Variants in WDTC1 observed in about 807,000 individuals in gnomAD.
WDTC1 encodes WD and tetratricopeptide repeats 1, also known as WD and tetratricopeptide repeats protein 1.
Under a neutral mutation model 76.0 loss-of-function variants are expected in WDTC1, and 12 were observed. That is an observed-to-expected ratio of 0.16 (90% CI 0.10 to 0.26). The LOEUF is 0.26. WDTC1 is among the 10% of genes least tolerant of loss of function. The pLI is 1.00. For synonymous variants in WDTC1, 326 were observed against 350.8 expected, an observed-to-expected ratio of 0.93 and a Z score of 0.79; for missense variants, 511 against 908.8, an observed-to-expected ratio of 0.56 and a Z score of 5.63.
At chr1:27,285,563 A>G (rs2013307217) in intron 5 of WDTC1, among the ~76,000 whole-genome samples, 1 of 151,844 alleles carries the variant, frequency 6.6e-6, no homozygotes, top group Non-Finnish European at 1.5e-5. Context: ...CCACTCCCAA[A>G]TATTTTTTAT....
chr1:27,298,452 C>T (rs534355268), intron 12 of WDTC1, among the ~76,000 whole-genome samples: 1 of 152,292 alleles, frequency 6.6e-6, no homozygotes, highest in South Asian at 2.1e-4. Flanking sequence ...GAGAATTGGA[C>T]TTTGAAGAGC....
chr1:27,271,919 A>G (rs966447516), intron 3 of WDTC1, among the ~76,000 whole-genome samples: 1 of 147,868 alleles, frequency 6.8e-6, no homozygotes, highest in African/African-American at 2.5e-5. Flanking sequence ...TTATAGGCGT[A>G]AGCCACTGCG....
chr1:27,253,483 C>CTCTTTCT (rs1188641240), intron 1 of WDTC1, among the ~76,000 whole-genome samples: 2 of 130,972 alleles, frequency 1.5e-5, no homozygotes, highest in South Asian at 5.1e-4. Flanking sequence ...CTCTTCTTCT[C>CTCTTTCT]TCTTTCTTCT....
intron 2 of WDTC1, among the ~76,000 whole-genome samples, chr1:27,261,835 C>T (rs1245702771): frequency 6.6e-6 from 1 of 152,078 alleles, no homozygotes; most frequent in Non-Finnish European, 1.5e-5. Flanking sequence ...TGATAATGGC[C>T]ATCTGCCTGT....
chr1:27,307,628 G>A lies in WDTC1; in HGVS notation c.*1245G>A, dbSNP rs1301754641. 2.0e-5 allele frequency: 3 copies of A among 152,706 alleles called. No individual in the cohort carries two copies. Among genetic ancestry groups the A allele is most frequent in the Non-Finnish European group, 2.9e-5 (2 of 68,222 alleles). The allele number at this position is 152,706 out of a possible 1,614,324, so 9.5% of individuals were successfully genotyped here. ...CTCCACTCCCTCGCTCCCTCCCTCA[G>A]CCCCTGTCTCTGCCAGGTGCCTCCT... On this transcript the variant is annotated 3_prime_UTR_variant, in exon 16 of 16. Coordinates refer to ENST00000319394, the MANE Select transcript of WDTC1 (RefSeq NM_001276252.2). This position sits in a 1 kb window ranked among gnomAD's most constrained non-coding sequence, Gnocchi z 4.1.
intron 12 of WDTC1, among the ~76,000 whole-genome samples, chr1:27,298,993 C>A (rs745904052): frequency 2.0e-5 from 3 of 152,180 alleles, no homozygotes; most frequent in Non-Finnish European, 4.4e-5. Context: ...TTAGCTAAGG[C>A]ATCAGGAGTT....
chr1:27,270,163 G>A (rs1035280882), intron 3 of WDTC1, among the ~76,000 whole-genome samples: 5 of 151,984 alleles, frequency 3.3e-5, no homozygotes, highest in African/African-American at 1.2e-4. Flanking sequence ...GGCTCATGTA[G>A]TCCACCCACC....
chr1:27,289,977 AAG>A (rs1199406415), intron 6 of WDTC1, among the ~76,000 whole-genome samples: 1 of 151,106 alleles, frequency 6.6e-6, no homozygotes, highest in Admixed American at 6.6e-5. Flanking sequence ...AGACCGTGGA[AAG>A]AGAGGGAGAG....
In WDTC1 at chr1:27,306,556, C is replaced by T. The variant is rs1381493094; in HGVS notation, c.*173C>T. ...GAGGTTGCTACAACTTGCTGGCTTT[C>T]GGACTCTGGGCTGATTGTCCCCTGA... On this transcript the variant is annotated 3_prime_UTR_variant, in exon 16 of 16. Transcript: ENST00000319394. This position sits in a 1 kb window ranked among gnomAD's most constrained non-coding sequence, Gnocchi z 5.0. The T allele has an allele frequency of 1.8e-5, 15 of 812,374 alleles. No individual in the cohort carries two copies. The highest frequency in any genetic ancestry group is 3.5e-5 in the African/African-American group (2 of 57,788). 50.3% of individuals were successfully genotyped at this position (812,374 alleles called of 1,614,324 possible).
At chr1:27,267,904 A>T (rs1355587738) in intron 3 of WDTC1, among the ~76,000 whole-genome samples, 1 of 152,216 alleles carries the variant, frequency 6.6e-6, no homozygotes, top group Non-Finnish European at 1.5e-5. Flanking sequence ...TTTTGCATGT[A>T]CAAGGTCATT....
In WDTC1 at chr1:27,307,611, C is replaced by CCTCG. The variant is rs2013988295; in HGVS notation, c.*1232_*1235dup. On this transcript the variant is annotated 3_prime_UTR_variant, in exon 16 of 16. Transcript: ENST00000319394. This position sits in a 1 kb window ranked among gnomAD's most constrained non-coding sequence, Gnocchi z 4.1. ...CCTCCCTTCTCCTCTCCCTCCACTC[C>CCTCG]CTCGCTCCCTCCCTCAGCCCCTGTC... is the stretch of plus-strand genomic sequence containing the variant. The CCTCG allele has an allele frequency of 6.5e-6, 1 of 153,028 alleles. No homozygotes were observed. Among genetic ancestry groups the CCTCG allele is most frequent in the African/African-American group, 2.4e-5 (1 of 41,440 alleles). 9.5% of individuals were successfully genotyped at this position (153,028 alleles called of 1,614,324 possible).
intron 1 of WDTC1, among the ~76,000 whole-genome samples, chr1:27,240,629 T>C (rs1473382684): frequency 6.6e-6 from 1 of 152,144 alleles, no homozygotes; most frequent in Non-Finnish European, 1.5e-5. Context: ...TATTAAGTAA[T>C]AGCTGCTGAC....
At chr1:27,255,400 G>C (rs1270871946) in intron 1 of WDTC1, 1 of 152,086 alleles carries the variant, frequency 6.6e-6, no homozygotes, top group Non-Finnish European at 1.5e-5. Flanking sequence ...GCATGTCTAT[G>C]AATATGTTTC....
At chr1:27,286,440 G>C (rs985393667) in intron 5 of WDTC1, among the ~76,000 whole-genome samples, 1 of 149,124 alleles carries the variant, frequency 6.7e-6, no homozygotes. Context: ...TTCTGACCAG[G>C]TCCCTTTTTT....
In WDTC1 at chr1:27,283,356, C is replaced by G; in HGVS notation, c.198C>G (p.Ser66=). Residue 66 remains serine, a synonymous_variant, in exon 5 of 16, where the codon TCC becomes TCG. Transcript: ENST00000319394. ...CTTTCAGCTTGCTGGCCTCTGGTTC[C>G]GATGACCAGCACACGATTGTGTGGG... ...NEKGDLLASG[S]DDQHTIVWDP... is the part of the protein sequence containing the mutation. 1 of 1,613,750 alleles carries G rather than the reference C, an allele frequency of 6.2e-7. No homozygotes were observed. Among genetic ancestry groups the G allele is most frequent in the Non-Finnish European group, 8.5e-7 (1 of 1,180,006 alleles).
intron 1 of WDTC1, among the ~76,000 whole-genome samples, chr1:27,260,436 T>A (rs925456558): frequency 6.6e-6 from 1 of 152,208 alleles, no homozygotes; most frequent in African/African-American, 2.4e-5. Flanking sequence ...ATTTCTTTAT[T>A]AGGTTGGGTC....
chr1:27,237,919 G>A (rs185588441), intron 1 of WDTC1, among the ~76,000 whole-genome samples: 29 of 151,980 alleles, frequency 1.9e-4, no homozygotes, highest in Admixed American at 1.8e-3. Context: ...CCTTGGTGTA[G>A]TTAATTTACT....
Position 27,296,393 on chromosome 1 carries a change from C to T in WDTC1, c.941C>T (p.Ser314Phe). The change falls in exon 10 of 16, where the codon TCC becomes TTC. Residue 314 changes from serine to phenylalanine, a missense_variant. Physicochemically the swap from Ser to Phe is radical, Grantham distance 155 (BLOSUM62 -2). Transcript: ENST00000319394. ...YTFLLPRKCH[S>F]SGEVQNGKMS... is the part of the protein sequence containing the mutation. ...TTCCTCTTGCCTAGAAAATGCCACTCCTCGGGGGGTAAGTTCTCCCTTAGG... is the reference window on the plus strand; with the variant it reads ...TTCCTCTTGCCTAGAAAATGCCACTTCTCGGGGGGTAAGTTCTCCCTTAGG... 1 of 1,614,078 alleles carries T rather than the reference C, an allele frequency of 6.2e-7. No homozygotes were observed. Among genetic ancestry groups the T allele is most frequent in the Non-Finnish European group, 8.5e-7 (1 of 1,180,018 alleles).
chr1:27,278,839 C>T (rs2013108838), intron 3 of WDTC1, among the ~76,000 whole-genome samples: 1 of 152,210 alleles, frequency 6.6e-6, no homozygotes, highest in Non-Finnish European at 1.5e-5. Flanking sequence ...TATGGTGGCT[C>T]ATGCCTGTAA....
Sources: allele counts gnomAD v4.1 joint callset (sites outside exome capture counted in the v4.1 genomes callset), GRCh38; gene constraint gnomAD v4.1.1; non-coding constraint Gnocchi (gnomAD v3.1); transcripts MANE v1.5; gene names NCBI Gene and HGNC (gene_info 2026-07-23, HGNC 2026-07-21).